The following TESPA1 variants were observed in gnomAD, a reference collection of about 807,000 sequenced individuals.
TESPA1 encodes protein TESPA1.
TESPA1 carries 33 observed loss-of-function variants against 57.9 expected under a neutral mutation model. The ratio of observed to expected loss-of-function variants is 0.57; its 90% CI spans 0.43 to 0.76. The LOEUF is 0.76. Among genes scored for constraint, TESPA1 ranks in the 30% least tolerant of loss-of-function variants. TESPA1 has a pLI of 0.00. For synonymous variants in TESPA1, 227 were observed against 228.9 expected, an observed-to-expected ratio of 0.99 and a Z score of 0.07; for missense variants, 618 against 632.9, an observed-to-expected ratio of 0.98 and a Z score of 0.25.
chr12:54,978,660 G>A (rs1422923267), intron 1 of TESPA1, among the ~76,000 whole-genome samples: 1 of 152,292 alleles, frequency 6.6e-6, no homozygotes, highest in East Asian at 1.9e-4. Context: ...CTTATACAGG[G>A]AGTCAGTCAG....
intron 10 of TESPA1, among the ~76,000 whole-genome samples, chr12:54,956,844 A>G (rs1950764885): frequency 6.6e-6 from 1 of 152,058 alleles, no homozygotes; most frequent in Admixed American, 6.6e-5. Flanking sequence ...ATGGAGGGGG[A>G]AGACAGCGTG....
In TESPA1 at chr12:54,982,139, G is replaced by T. The variant is rs533472380; in HGVS notation, c.-46+2446C>A. On this transcript the variant is annotated intron_variant, in intron 1 of 10. Transcript: ENST00000449076. ...ACTGGACAAACTCCACCTCAACCCA[G>T]GTGGATTGTCCCCCATTTGACATAC... Among the ~76,000 whole-genome samples, 9 of 152,306 alleles carry T rather than the reference G, an allele frequency of 5.9e-5. 1 individual carries two copies. The South Asian group carries it at 1.9e-3, about 32-fold the overall frequency.
At chr12:54,973,414 T>C in intron 3 of TESPA1, 63 bp downstream of exon 3, 1 of 1,606,964 alleles carries the variant, frequency 6.2e-7, no homozygotes, top group Non-Finnish European at 8.5e-7. Context: ...TTTCCAGGAG[T>C]TGTGTCTGTT....
At chr12:54,979,456 C>A (rs375958180) in intron 1 of TESPA1, among the ~76,000 whole-genome samples, 1 of 152,218 alleles carries the variant, frequency 6.6e-6, no homozygotes, top group Non-Finnish European at 1.5e-5. Context: ...TCATGTCCCC[C>A]CTCTGCTACC....
Position 54,963,959 on chromosome 12 carries a change from A to G in TESPA1, c.447-9T>C. The G allele has an allele frequency of 6.2e-7, 1 of 1,611,336 alleles. No homozygotes were observed. Reference sequence around the variant, plus strand: ...CCAGAATTTCTGAGATGCTGAAATGAGGGAGTTTGGGTAAATAAGGGACAA... The same window carrying G: ...CCAGAATTTCTGAGATGCTGAAATGGGGGAGTTTGGGTAAATAAGGGACAA... On this transcript the variant is annotated splice_polypyrimidine_tract_variant and intron_variant, in intron 7 of 10. Transcript: ENST00000449076.
intron 10 of TESPA1, among the ~76,000 whole-genome samples, chr12:54,957,399 A>G (rs766994740): frequency 6.6e-6 from 1 of 152,190 alleles, no homozygotes; most frequent in Non-Finnish European, 1.5e-5. Context: ...AAGTGGGACT[A>G]TTTCCCAGCA....
At chr12:54,954,962 T>A (rs1429078873) in intron 10 of TESPA1, among the ~76,000 whole-genome samples, 1 of 152,234 alleles carries the variant, frequency 6.6e-6, no homozygotes, top group Non-Finnish European at 1.5e-5. Context: ...GAAATAGGAT[T>A]GCTACATCAT....
Position 54,973,818 on chromosome 12 carries a change from T to TAAAAAG in TESPA1, c.164-305_164-300dup, listed in dbSNP as rs933377455. 1.4e-5 allele frequency: 16 copies of TAAAAAG among 1,153,988 alleles called. No individual in the cohort carries two copies. In the Admixed American group the frequency reaches 1.8e-4, roughly 13 times the overall value. The allele number at this position is 1,153,988 out of a possible 1,614,324, so 71.5% of individuals were successfully genotyped here. Reference sequence around the variant, plus strand: ...CCCACAAGGGTGGATCCTTCTCATTTAAAAAGAAAAAGAAAAAGAAAGACA... The same window carrying TAAAAAG: ...CCCACAAGGGTGGATCCTTCTCATTTAAAAAGAAAAAGAAAAAGAAAAAGAAAGACA... On this transcript the variant is annotated intron_variant, in intron 2 of 10. Coordinates refer to ENST00000449076, the MANE Select transcript of TESPA1 (RefSeq NM_001136030.3).
chr12:54,983,683 C>T (rs1952402454), intron 1 of TESPA1, among the ~76,000 whole-genome samples: 1 of 152,114 alleles, frequency 6.6e-6, no homozygotes, highest in African/African-American at 2.4e-5. Context: ...TTGTCCTTGC[C>T]CTGCCCTGGG....
Position 54,963,779 on chromosome 12 carries a change from C to T in TESPA1, c.618G>A (p.Arg206=). Residue 206 remains arginine (R), a synonymous_variant, in exon 8 of 11, where the codon CGG becomes CGA. Coordinates refer to ENST00000449076, the MANE Select transcript of TESPA1 (RefSeq NM_001136030.3). ...GGCAGGGGTCTTCCATTTCAATCCT[C>T]CGCACCTGGGACTTCAGGAAGAGCT... ...DFQLFLKSQV[R]RIEMEDPCLM... 6.2e-7 allele frequency: 1 copy of T among 1,613,768 alleles called. No individual in the cohort carries two copies. The highest frequency in any genetic ancestry group is 8.5e-7 in the Non-Finnish European group (1 of 1,179,840).
At chr12:54,959,216 T>G (rs1476243064) in intron 10 of TESPA1, among the ~76,000 whole-genome samples, 2 of 152,188 alleles carry the variant, frequency 1.3e-5, no homozygotes, top group African/African-American at 4.8e-5. Flanking sequence ...CACCTGTGCT[T>G]CTCATCCTCT....
intron 10 of TESPA1, among the ~76,000 whole-genome samples, chr12:54,960,825 C>A (rs1391698496): frequency 6.6e-6 from 1 of 152,176 alleles, no homozygotes; most frequent in Non-Finnish European, 1.5e-5. Flanking sequence ...AGACCAGCAG[C>A]AATAGCATCA....
At chr12:54,968,970 G>T (rs892392984) in intron 3 of TESPA1, among the ~76,000 whole-genome samples, 11 of 143,750 alleles carry the variant, frequency 7.7e-5, no homozygotes, top group African/African-American at 2.8e-4. Flanking sequence ...AATATCTGTA[G>T]GTCAAGTTCT....
chr12:54,967,785 G>T, intron 4 of TESPA1, 58 bp downstream of exon 4: 7 of 1,593,660 alleles, frequency 4.4e-6, no homozygotes, highest in Non-Finnish European at 6.0e-6. Flanking sequence ...ATACACACAC[G>T]CACAGGTATA....
intron 3 of TESPA1, among the ~76,000 whole-genome samples, chr12:54,968,666 T>C (rs1023155868): frequency 2.0e-5 from 3 of 152,182 alleles, no homozygotes; most frequent in Admixed American, 2.0e-4. Flanking sequence ...ACCCTAGATA[T>C]TATCATCATC....
intron 7 of TESPA1, among the ~76,000 whole-genome samples, chr12:54,965,690 G>T (rs959197430): frequency 6.6e-6 from 1 of 152,082 alleles, no homozygotes; most frequent in Non-Finnish European, 1.5e-5. Context: ...CTGCCTGTCC[G>T]AATGAATTAA....
At chr12:54,950,758 T>C (rs1021521118) in intron 10 of TESPA1, among the ~76,000 whole-genome samples, 2 of 152,166 alleles carry the variant, frequency 1.3e-5, no homozygotes, top group Admixed American at 1.3e-4. Flanking sequence ...AGCAATGCAT[T>C]TTCTATTAAT....
At chr12:54,981,377 T>C (rs1306398633) in intron 1 of TESPA1, among the ~76,000 whole-genome samples, 1 of 135,046 alleles carries the variant, frequency 7.4e-6, no homozygotes, top group Admixed American at 8.8e-5. Flanking sequence ...TAAGCAGAGA[T>C]AAAAAGTAAG....
chr12:54,962,407 C>G (rs1951133940), intron 9 of TESPA1, 24 bp downstream of exon 9: 1 of 1,602,118 alleles, frequency 6.2e-7, no homozygotes, highest in Non-Finnish European at 8.5e-7. Context: ...CTGCCAGTCT[C>G]TCCCTCACCT....
Sources: gnomAD v4.1 joint callset for allele counts (sites outside exome capture counted in the v4.1 genomes callset) on GRCh38, gnomAD v4.1.1 for gene constraint, MANE v1.5 for transcripts, NCBI Gene and HGNC (gene_info 2026-07-23, HGNC 2026-07-21) for gene names.